The following ENTPD1 variants were observed in gnomAD, a reference collection of about 807,000 sequenced individuals.
ENTPD1 encodes ATP diphosphohydrolase.
ENTPD1 carries 33 observed loss-of-function variants against 57.0 expected under a neutral mutation model. The observed-to-expected ratio is 0.58, with a 90% CI of 0.44 to 0.77. The LOEUF is 0.77. Ranked by LOEUF, ENTPD1 falls within the 30% of genes least tolerant of loss-of-function variation. ENTPD1 has a pLI of 0.00. For synonymous variants in ENTPD1, 202 were observed against 218.8 expected (o/e 0.92, Z 0.68); for missense variants, 501 against 603.4 (o/e 0.83, Z 1.78).
Position 95,724,229 on chromosome 10 carries a change from G to A in ENTPD1, c.37+12236G>A, listed in dbSNP as rs933173448. Among the ~76,000 whole-genome samples, 13 of 150,658 alleles carry A rather than the reference G, an allele frequency of 8.6e-5. No homozygotes were observed. The South Asian group carries it at 1.3e-3, about 15-fold the overall frequency. ...CTCACACCTGAGTCTTAAGTCCAGC[G>A]GCCACACTAATCGTTTTTAACTGGC... On this transcript the variant is annotated intron_variant, in intron 1 of 9. Coordinates refer to the ENTPD1 transcript ENST00000453258.
Position 95,847,448 on chromosome 10 carries a change from T to G in ENTPD1, c.816T>G (p.Val272=), listed in dbSNP as rs1303695598. ...LWQKLAKDIQ[V]ASNEILRDPC... is the part of the protein sequence containing the mutation. Reference sequence around the variant, plus strand: ...TTTCAAGTGATTTTTCCATTCAGGTTGCAAGTAATGAAATTCTCAGGGACC... The same window carrying G: ...TTTCAAGTGATTTTTCCATTCAGGTGGCAAGTAATGAAATTCTCAGGGACC... The change falls in exon 7 of 10, where the codon GTT becomes GTG. Residue 272 remains valine, a splice_region_variant and synonymous_variant. Transcript: ENST00000371205. 1 of 1,614,190 alleles carries G rather than the reference T, an allele frequency of 6.2e-7. No homozygotes were observed.
intron 1 of ENTPD1, among the ~76,000 whole-genome samples, chr10:95,739,833 T>G (rs2139872346): frequency 6.6e-6 from 1 of 152,376 alleles, no homozygotes; most frequent in East Asian, 1.9e-4. Flanking sequence ...TACAGACTTA[T>G]GAAATGTATT....
intron 1 of ENTPD1, among the ~76,000 whole-genome samples, chr10:95,760,603 TTG>T (rs1481612726): frequency 6.6e-6 from 1 of 152,120 alleles, no homozygotes; most frequent in Non-Finnish European, 1.5e-5. Context: ...TTATAAATCA[TTG>T]TGATTGGTAT....
chr10:95,751,505 G>GACCT (rs1437484909), upstream of ENTPD1, among the ~76,000 whole-genome samples: 86 of 152,232 alleles, frequency 5.6e-4, no homozygotes, highest in African/African-American at 1.9e-3. Context: ...TATCACCTGA[G>GACCT]GTCAGGAGTT....
rs1566260275 is a variant in ENTPD1 at position 95,866,462 on chromosome 10, G to A, written c.*79G>A. The A allele has an allele frequency of 1.9e-6, 3 of 1,581,992 alleles. No individual in the cohort carries two copies. Among genetic ancestry groups the A allele is most frequent in the Admixed American group, 1.8e-5 (1 of 55,328 alleles). The stretch of plus-strand genomic sequence containing the variant: ...CATTTTCCTCCATCGCAGTGTTCAA[G>A]GCCATCCTTCCCTGTCTGCCAGGGC... On this transcript the variant is annotated 3_prime_UTR_variant, in exon 10 of 10. Coordinates refer to ENST00000371205, the MANE Select transcript of ENTPD1 (RefSeq NM_001776.6).
At position 95,867,826 on chromosome 10, in the gene ENTPD1, C is replaced by T; in HGVS notation, c.*1443C>T. On this transcript the variant is annotated 3_prime_UTR_variant, in exon 10 of 10. Coordinates refer to ENST00000371205, the MANE Select transcript of ENTPD1 (RefSeq NM_001776.6). The stretch of plus-strand genomic sequence containing the variant: ...GAAAAGCTCTCACACAAACCGGAAG[C>T]CAAATGTCCCCTATCTCTTGAATGA... 1.0e-6 allele frequency: 1 copy of T among 985,438 alleles called. No individual in the cohort carries two copies. The highest frequency in any genetic ancestry group is 1.2e-6 in the Non-Finnish European group (1 of 829,922). 61.0% of individuals were successfully genotyped at this position (985,438 alleles called of 1,614,324 possible).
rs1182366526 is a variant in ENTPD1, at chr10:95,756,262, C to A, written c.16+7C>A. The A allele has an allele frequency of 6.3e-7, 1 of 1,589,240 alleles. No individual in the cohort carries two copies. Among genetic ancestry groups the A allele is most frequent in the South Asian group, 1.1e-5 (1 of 87,588 alleles). ...CTTATGGAAGATACAAAGGGTAAGACCAAAATTGATTTGATCTGAATCCTT... is the reference window on the plus strand; with the variant it reads ...CTTATGGAAGATACAAAGGGTAAGAACAAAATTGATTTGATCTGAATCCTT... On this transcript the variant is annotated splice_region_variant and intron_variant, in intron 1 of 9. Coordinates refer to ENST00000371205, the MANE Select transcript of ENTPD1 (RefSeq NM_001776.6).
chr10:95,816,606 G>A (rs925157403), intron 1 of ENTPD1, among the ~76,000 whole-genome samples: 3 of 152,128 alleles, frequency 2.0e-5, no homozygotes, highest in Non-Finnish European at 2.9e-5. Context: ...GAAGACAGAG[G>A]TGGAGATTGG....
chr10:95,697,299 T>A, the ENTPD1 span, among the ~76,000 whole-genome samples: 1 of 145,740 alleles, frequency 6.9e-6, no homozygotes, highest in African/African-American at 2.5e-5. Context: ...CTAAAGGTGG[T>A]GGTGGGGGTG....
In ENTPD1 at chr10:95,870,910, G is replaced by A. The variant is rs1337786888; in HGVS notation, c.*4527G>A. 2.0e-6 allele frequency: 2 copies of A among 985,312 alleles called. No individual in the cohort carries two copies. Among genetic ancestry groups the A allele is most frequent in the Admixed American group, 1.2e-4 (2 of 16,272 alleles). 61.0% of individuals were successfully genotyped at this position (985,312 alleles called of 1,614,324 possible). ...TGTGAGTCTGCAAGCCAGCTGGGCA[G>A]CTCTACTTCAGGTGGTAAGGGTGGA... is the stretch of plus-strand genomic sequence containing the variant. On this transcript the variant is annotated 3_prime_UTR_variant, in exon 10 of 10. Coordinates refer to ENST00000371205, the MANE Select transcript of ENTPD1 (RefSeq NM_001776.6).
At chr10:95,804,625 T>A (rs2098264600) in intron 1 of ENTPD1, among the ~76,000 whole-genome samples, 1 of 152,234 alleles carries the variant, frequency 6.6e-6, no homozygotes, top group African/African-American at 2.4e-5. Flanking sequence ...AATCATGTCA[T>A]CTGCAAACAG....
At chr10:95,731,863 A>G (rs1442551936) in intron 1 of ENTPD1, among the ~76,000 whole-genome samples, 2 of 129,482 alleles carry the variant, frequency 1.5e-5, no homozygotes, top group Non-Finnish European at 3.2e-5. Flanking sequence ...GCTCACTGCA[A>G]CCTCCGCCTC....
chr10:95,773,776 T>C (rs2098123831), intron 1 of ENTPD1, among the ~76,000 whole-genome samples: 1 of 152,220 alleles, frequency 6.6e-6, no homozygotes, highest in Non-Finnish European at 1.5e-5. Flanking sequence ...CTATTGTGAA[T>C]AGTGCTGCAA....
chr10:95,700,117 A>G, the ENTPD1 span, among the ~76,000 whole-genome samples: 1 of 152,236 alleles, frequency 6.6e-6, no homozygotes, highest in Non-Finnish European at 1.5e-5. Context: ...AGTTAATATA[A>G]GAGAGATTTG....
At chr10:95,834,043 C>T (rs1338503421) in intron 2 of ENTPD1, among the ~76,000 whole-genome samples, 1 of 152,146 alleles carries the variant, frequency 6.6e-6, no homozygotes, top group Admixed American at 6.5e-5. Context: ...GTCTTATGAG[C>T]TTTTTGGGGA....
chr10:95,843,089 C>T (rs141191901), intron 4 of ENTPD1: 2,250 of 152,326 alleles, frequency 0.015, 28 homozygotes, highest in Middle Eastern at 0.044. Context: ...GTCAGGAAGA[C>T]TTAGAGGAAG....
intron 7 of ENTPD1, among the ~76,000 whole-genome samples, chr10:95,855,387 T>C (rs1056860372): frequency 1.3e-5 from 2 of 151,678 alleles, no homozygotes; most frequent in African/African-American, 4.8e-5. Context: ...TGACTCTTTA[T>C]CCAATTTGCC....
intron 3 of ENTPD1, among the ~76,000 whole-genome samples, chr10:95,841,785 G>C (rs1404287413): frequency 6.6e-6 from 1 of 152,208 alleles, no homozygotes; most frequent in Non-Finnish European, 1.5e-5. Context: ...TTGCTAGGGA[G>C]GCAGGATATC....
At chr10:95,730,525 G>C (rs911268856) in intron 1 of ENTPD1, among the ~76,000 whole-genome samples, 1 of 143,014 alleles carries the variant, frequency 7.0e-6, no homozygotes, top group Admixed American at 7.3e-5. Flanking sequence ...AAAAAGTAAA[G>C]TACAGTGAAA....
Sources: allele counts gnomAD v4.1 joint callset (sites outside exome capture counted in the v4.1 genomes callset), GRCh38; gene constraint gnomAD v4.1.1; transcripts MANE v1.5; gene names NCBI Gene and HGNC (gene_info 2026-07-23, HGNC 2026-07-21).